Variants in DGKG observed in about 807,000 individuals in gnomAD.
DGKG encodes the protein DAG kinase gamma.
Under a neutral mutation model 105.3 loss-of-function variants are expected in DGKG, and 78 were observed. The ratio of observed to expected loss-of-function variants is 0.74; its 90% CI spans 0.62 to 0.89. DGKG has a LOEUF of 0.89. Ranked by LOEUF, DGKG falls within the 40% of genes least tolerant of loss-of-function variation. DGKG has a pLI of 0.00. For synonymous variants in DGKG, 346 were observed against 367.1 expected, an observed-to-expected ratio of 0.94 and a Z score of 0.66; for missense variants, 958 against 1,020.1, an observed-to-expected ratio of 0.94 and a Z score of 0.83.
chr3:186,347,061 T>C (rs1307416661), intron 1 of DGKG, among the ~76,000 whole-genome samples: 2 of 152,160 alleles, frequency 1.3e-5, no homozygotes, highest in African/African-American at 4.8e-5. Flanking sequence ...TATATCTATG[T>C]CCCTTCATTT....
chr3:186,265,333 TCTTTTGGAAAAAGAA>T, intron 13 of DGKG, 27 bp from the exon 14 acceptor site: 1 of 1,612,072 alleles, frequency 6.2e-7, no homozygotes, highest in Non-Finnish European at 8.5e-7. Context: ...AAGACAAGCA[TCTTTTGGAAAAAGAA>T]GCCTAACACA....
At chr3:186,275,992 CTAT>C (rs750330982) in intron 9 of DGKG, among the ~76,000 whole-genome samples, 1 of 142,164 alleles carries the variant, frequency 7.0e-6, no homozygotes, top group South Asian at 2.2e-4. Context: ...ATCTATCTAT[CTAT>C]TATCTATCAT....
At chr3:186,288,960 T>C in intron 5 of DGKG, 80 bp from the exon 6 acceptor site, 1 of 1,399,698 alleles carries the variant, frequency 7.1e-7, no homozygotes, top group South Asian at 1.4e-5. Context: ...CCCATCCTTT[T>C]CATGGTAGAG....
chr3:186,189,137 C>T lies in DGKG; in HGVS notation c.1918-758G>A, dbSNP rs546669283. On this transcript the variant is annotated intron_variant, in intron 21 of 24. Transcript: ENST00000265022. ...CAGAAAATTTTCATTTTGCCCCCTC[C>T]TATTTTATCTCTCTGTGAGAAGCAC... is the stretch of plus-strand genomic sequence containing the variant. 7.5e-4 allele frequency among the ~76,000 whole-genome samples: 114 copies of T among 152,170 alleles called. 2 individuals are homozygous for T. The highest frequency in any genetic ancestry group is 1.6e-3 in the Non-Finnish European group (109 of 68,026).
chr3:186,229,723 G>A lies in DGKG; in HGVS notation c.1826+12781C>T, dbSNP rs78097256. 6.7e-3 allele frequency among the ~76,000 whole-genome samples: 1,014 copies of A among 152,252 alleles called. 5 individuals are homozygous for A. The highest frequency in any genetic ancestry group is 0.023 in the African/African-American group (966 of 41,532). Reference sequence around the variant, plus strand: ...AAAGCAGGGGCTGTGGTGCTCCATCGTTCCTCTCAGACCTAGCATGATGCT... The same window carrying A: ...AAAGCAGGGGCTGTGGTGCTCCATCATTCCTCTCAGACCTAGCATGATGCT... On this transcript the variant is annotated intron_variant, in intron 20 of 24. Coordinates refer to ENST00000265022, the MANE Select transcript of DGKG (RefSeq NM_001346.3).
At chr3:186,243,576 T>G (rs1175016700) in intron 19 of DGKG, among the ~76,000 whole-genome samples, 1 of 152,152 alleles carries the variant, frequency 6.6e-6, no homozygotes, top group Non-Finnish European at 1.5e-5. Flanking sequence ...GAACTTGTCT[T>G]TCCTCCTCAA....
rs895500288 is a variant in DGKG at position 186,210,684 on chromosome 3, C to T, written c.1917+1111G>A. The T allele has an allele frequency of 2.2e-6, 1 of 447,838 alleles. No individual in the cohort carries two copies. The highest frequency in any genetic ancestry group is 4.5e-6 in the Non-Finnish European group (1 of 223,814). The allele number at this position is 447,838 out of a possible 1,614,324, so 27.7% of individuals were successfully genotyped here. A position where few individuals can be genotyped will look rare whatever the true frequency, so the allele number is the denominator to read the frequency against. On this transcript the variant is annotated intron_variant, in intron 21 of 24. Transcript: ENST00000265022. This position sits in a 1 kb window ranked among gnomAD's most constrained non-coding sequence, Gnocchi z 5.2. ...CAGGGCTTTCCTACACCACTCCAGG[C>T]CACAGGTGCCTCCTCCAGGGAGGCC... is the stretch of plus-strand genomic sequence containing the variant.
At chr3:186,280,596 T>A (rs563289400) in intron 8 of DGKG, 74 bp downstream of exon 8, 1 of 1,204,614 alleles carries the variant, frequency 8.3e-7, no homozygotes, top group East Asian at 2.3e-5. Flanking sequence ...TTAACACTCA[T>A]TCATGTCTTG....
intron 22 of DGKG, among the ~76,000 whole-genome samples, chr3:186,166,829 T>A (rs2108482254): frequency 6.6e-6 from 1 of 152,276 alleles, no homozygotes; most frequent in East Asian, 1.9e-4. Flanking sequence ...ACAGATGTCT[T>A]GGAAACTGTT....
intron 20 of DGKG, among the ~76,000 whole-genome samples, chr3:186,221,250 G>A (rs1032699993): frequency 3.3e-5 from 5 of 152,146 alleles, no homozygotes; most frequent in African/African-American, 1.2e-4. Flanking sequence ...TGTTGTCAGG[G>A]TTTTCCTTTC....
chr3:186,351,408 TA>T (rs1234043827), intron 1 of DGKG, among the ~76,000 whole-genome samples: 1 of 152,178 alleles, frequency 6.6e-6, no homozygotes, highest in Non-Finnish European at 1.5e-5. Context: ...AACTACTGGT[TA>T]AAAATACTGG....
chr3:186,350,593 G>A (rs1467753643), intron 1 of DGKG, among the ~76,000 whole-genome samples: 2 of 152,076 alleles, frequency 1.3e-5, no homozygotes, highest in Non-Finnish European at 2.9e-5. Flanking sequence ...TCAATTTTGG[G>A]GAGTATATAC....
At chr3:186,186,871 A>C (rs1217637190) in intron 22 of DGKG, among the ~76,000 whole-genome samples, 2 of 152,220 alleles carry the variant, frequency 1.3e-5, no homozygotes, top group African/African-American at 4.8e-5. Context: ...TTTTAAGGAC[A>C]TTCTCAGAAA....
chr3:186,200,770 T>C (rs1029486818), intron 21 of DGKG, among the ~76,000 whole-genome samples: 1 of 152,230 alleles, frequency 6.6e-6, no homozygotes, highest in African/African-American at 2.4e-5. Context: ...ACAGGGATGA[T>C]GGAGTTCTGG....
At chr3:186,289,263 G>C (rs1051967329) in intron 5 of DGKG, among the ~76,000 whole-genome samples, 2 of 152,042 alleles carry the variant, frequency 1.3e-5, no homozygotes, top group Admixed American at 6.5e-5. Flanking sequence ...AATGGTAAAT[G>C]GCCAACAGTC....
chr3:186,325,859 G>T (rs1170114523), intron 1 of DGKG, among the ~76,000 whole-genome samples: 2 of 152,112 alleles, frequency 1.3e-5, no homozygotes, highest in Non-Finnish European at 2.9e-5. Flanking sequence ...CTCAGTCAAG[G>T]TGGCGATCTG....
chr3:186,159,063 T>C (rs1230680972), intron 24 of DGKG: 1 of 202,702 alleles, frequency 4.9e-6, no homozygotes. Context: ...TATTTGGATT[T>C]TCATTTTTAA....
chr3:186,272,457 C>T, intron 10 of DGKG, 114 bp from the exon 11 acceptor site: 1 of 732,376 alleles, frequency 1.4e-6, no homozygotes, highest in South Asian at 1.5e-5. Context: ...TGGCGAGGGG[C>T]AGGGGACACA....
chr3:186,159,672 T>G (rs1716195118), intron 24 of DGKG: 1 of 152,220 alleles, frequency 6.6e-6, no homozygotes, highest in Non-Finnish European at 1.5e-5. Flanking sequence ...AGAAGATGTT[T>G]CAACAAGGGG....
Sources: allele counts gnomAD v4.1 joint callset (sites outside exome capture counted in the v4.1 genomes callset), GRCh38; gene constraint gnomAD v4.1.1; non-coding constraint Gnocchi (gnomAD v3.1); transcripts MANE v1.5; gene names NCBI Gene and HGNC (gene_info 2026-07-23, HGNC 2026-07-21).